Variants in MEI4 observed in about 807,000 individuals in gnomAD.
MEI4 encodes the protein meiotic double-stranded break formation protein 4, also known as meiosis-specific protein MEI4.
MEI4 carries 27 observed loss-of-function variants against 31.4 expected under a neutral mutation model. That is an observed-to-expected ratio of 0.86 (90% CI 0.63 to 1.19). The LOEUF is 1.19. Ranked by LOEUF, MEI4 falls within the 50% of genes most tolerant of loss-of-function variation. MEI4 has a pLI of 0.00. For synonymous variants in MEI4, 122 were observed against 145.4 expected, an observed-to-expected ratio of 0.84 and a Z score of 1.16; for missense variants, 329 against 398.9, an observed-to-expected ratio of 0.82 and a Z score of 1.49.
intron 3 of MEI4, among the ~76,000 whole-genome samples, chr6:77,781,464 C>T (rs2127691054): frequency 6.6e-6 from 1 of 152,212 alleles, no homozygotes; most frequent in African/African-American, 2.4e-5. Context: ...TTGGTATTAC[C>T]TGGGAGTTTA....
intron 2 of MEI4, among the ~76,000 whole-genome samples, chr6:77,752,996 T>C (rs1020868794): frequency 3.3e-5 from 5 of 152,106 alleles, no homozygotes; most frequent in African/African-American, 1.2e-4. Context: ...AAACAAGAAA[T>C]GGGGAAAGGA....
At chr6:77,825,514 T>C (rs1769922719) in intron 3 of MEI4, among the ~76,000 whole-genome samples, 1 of 152,222 alleles carries the variant, frequency 6.6e-6, no homozygotes, top group Admixed American at 6.5e-5. Context: ...GGAGACATTT[T>C]TTTAGGAAAC....
chr6:77,781,201 TTTAC>T (rs1268241115), intron 3 of MEI4, among the ~76,000 whole-genome samples: 1 of 152,160 alleles, frequency 6.6e-6, no homozygotes, highest in African/African-American at 2.4e-5. Context: ...TCTGGCCAGA[TTTAC>T]TTTTAAAATA....
intron 4 of MEI4, among the ~76,000 whole-genome samples, chr6:77,850,589 A>C (rs960602995): frequency 3.9e-5 from 6 of 152,234 alleles, no homozygotes; most frequent in Non-Finnish European, 8.8e-5. Context: ...CCATATGTAG[A>C]AAGCTGAAAC....
chr6:77,676,798 T>C (rs567282952), intron 1 of MEI4, among the ~76,000 whole-genome samples: 2 of 152,304 alleles, frequency 1.3e-5, no homozygotes, highest in South Asian at 2.1e-4. Context: ...ATTTTTCTTT[T>C]CTCTTTCCAC....
intron 2 of MEI4, among the ~76,000 whole-genome samples, chr6:77,709,270 C>T (rs1198717000): frequency 6.6e-6 from 1 of 152,090 alleles, no homozygotes; most frequent in Non-Finnish European, 1.5e-5. Context: ...TCTAAAAATT[C>T]CTCATTACTT....
In MEI4 at chr6:77,926,709, A is replaced by G. The variant is rs1766851893; in HGVS notation, c.*3363A>G. The G allele has an allele frequency of 6.6e-6, 1 of 151,932 alleles. No homozygotes were observed. Among genetic ancestry groups the G allele is most frequent in the Non-Finnish European group, 1.5e-5 (1 of 67,934 alleles). The allele number at this position is 151,932 out of a possible 1,614,324, so 9.4% of individuals were successfully genotyped here. A position where few individuals can be genotyped will look rare whatever the true frequency, so the allele number is the denominator to read the frequency against. On this transcript the variant is annotated 3_prime_UTR_variant, in exon 5 of 5. Coordinates refer to ENST00000684080, the MANE Select transcript of MEI4 (RefSeq NM_001322247.2). ...TTTATTCATCAAATATGAAGCACCA[A>G]TTGTCTACAAACCAATTATTTGCAA...
At chr6:77,731,893 C>T (rs1413761954) in intron 2 of MEI4, among the ~76,000 whole-genome samples, 2 of 151,792 alleles carry the variant, frequency 1.3e-5, no homozygotes, top group Non-Finnish European at 2.9e-5. Context: ...GAATCCTTTC[C>T]CCAATGCTTG....
intron 1 of MEI4, among the ~76,000 whole-genome samples, chr6:77,658,155 T>A (rs556545967): frequency 4.6e-4 from 70 of 152,264 alleles, no homozygotes; most frequent in Admixed American, 1.0e-3. Flanking sequence ...TTAGTTCTTA[T>A]AGGTTTTGGG....
intron 4 of MEI4, among the ~76,000 whole-genome samples, chr6:77,834,343 CTG>C (rs1040654245): frequency 4.1e-5 from 6 of 146,900 alleles, no homozygotes; most frequent in African/African-American, 1.5e-4. Flanking sequence ...ATAATTTTCT[CTG>C]TTTTTGACTG....
At chr6:77,789,263 AT>A in intron 3 of MEI4, among the ~76,000 whole-genome samples, 1 of 152,346 alleles carries the variant, frequency 6.6e-6, no homozygotes, top group South Asian at 2.1e-4. Flanking sequence ...TTCAAGATGG[AT>A]TAAAGACTTA....
chr6:77,676,752 T>G (rs1418894308), intron 1 of MEI4, among the ~76,000 whole-genome samples: 1 of 152,172 alleles, frequency 6.6e-6, no homozygotes, highest in Non-Finnish European at 1.5e-5. Context: ...GTTCTCTGAC[T>G]TTCTTTATTC....
At chr6:77,683,287 C>G (rs1210515870) in intron 1 of MEI4, among the ~76,000 whole-genome samples, 2 of 151,882 alleles carry the variant, frequency 1.3e-5, no homozygotes, top group Non-Finnish European at 2.9e-5. Flanking sequence ...AAGGTATCAA[C>G]AAATAAAAAT....
chr6:77,667,267 T>C (rs986082055), intron 1 of MEI4, among the ~76,000 whole-genome samples: 3 of 152,168 alleles, frequency 2.0e-5, no homozygotes, highest in Non-Finnish European at 4.4e-5. Context: ...CCAATAGACA[T>C]TTGTTACATT....
chr6:77,813,474 T>G (rs2127705629), intron 3 of MEI4, among the ~76,000 whole-genome samples: 1 of 151,700 alleles, frequency 6.6e-6, no homozygotes, highest in South Asian at 2.1e-4. Context: ...GTCCCCAGAT[T>G]CTAGGCCAAT....
At chr6:77,912,024 C>T (rs1766445711) in intron 4 of MEI4, among the ~76,000 whole-genome samples, 2 of 151,818 alleles carry the variant, frequency 1.3e-5, no homozygotes, top group Non-Finnish European at 2.9e-5. Flanking sequence ...GTAGTGGGGT[C>T]CATTTTCATT....
At chr6:77,792,626 T>A (rs895281283) in intron 3 of MEI4, among the ~76,000 whole-genome samples, 6 of 152,210 alleles carry the variant, frequency 3.9e-5, no homozygotes, top group African/African-American at 1.2e-4. Context: ...GTTTAAATCT[T>A]TAAGCAATTT....
At chr6:77,763,249 CA>C in intron 3 of MEI4, among the ~76,000 whole-genome samples, 1 of 152,002 alleles carries the variant, frequency 6.6e-6, no homozygotes, top group South Asian at 2.1e-4. Flanking sequence ...CTTGGAGGTG[CA>C]AGCTGTGCTG....
chr6:77,892,294 A>G (rs115695606), intron 4 of MEI4, among the ~76,000 whole-genome samples: 1 of 152,252 alleles, frequency 6.6e-6, no homozygotes, highest in African/African-American at 2.4e-5. Flanking sequence ...GAGTGCTGCC[A>G]GTGGTGGTAA....
Sources: allele counts gnomAD v4.1 joint callset (sites outside exome capture counted in the v4.1 genomes callset), GRCh38; gene constraint gnomAD v4.1.1; transcripts MANE v1.5; gene names NCBI Gene and HGNC (gene_info 2026-07-23, HGNC 2026-07-21).